The following GABRG3 variants were observed in gnomAD, a reference collection of about 807,000 sequenced individuals.
The protein encoded by GABRG3 is gamma-aminobutyric acid type A receptor subunit gamma3.
Under a neutral mutation model 48.8 loss-of-function variants are expected in GABRG3, and 25 were observed. The observed-to-expected ratio is 0.51, with a 90% CI of 0.37 to 0.72. GABRG3 has a LOEUF of 0.72. GABRG3 is among the 30% of genes least tolerant of loss of function. The pLI, the probability that GABRG3 is intolerant of heterozygous loss-of-function variation, is 0.00. For synonymous variants in GABRG3, 227 were observed against 217.6 expected (o/e 1.04, Z -0.38); for missense variants, 394 against 577.9 (o/e 0.68, Z 3.26).
intron 5 of GABRG3, chr15:27,365,251 T>A (rs184623490): frequency 6.6e-6 from 1 of 152,140 alleles, no homozygotes; most frequent in East Asian, 1.9e-4. Flanking sequence ...CTTATTTAAA[T>A]TTCACCATTT....
At chr15:27,145,603 C>CTATCTATCTATCTATCTATCA (rs1555405976) in intron 3 of GABRG3, among the ~76,000 whole-genome samples, 79 of 102,388 alleles carry the variant, frequency 7.7e-4, no homozygotes, top group African/African-American at 2.7e-3. Context: ...ATATATCTAT[C>CTATCTATCTATCTATCTATCA]TCTATCTATC....
chr15:27,495,478 A>G lies in GABRG3; in HGVS notation c.712+14691A>G, dbSNP rs1195938536. The stretch of plus-strand genomic sequence containing the variant: ...GATCCTGATTTGAGTTCTCTTGGAT[A>G]CACATACATTTAGAACCACATTGAA... On this transcript the variant is annotated intron_variant, in intron 6 of 9. Transcript: ENST00000615808. Among the ~76,000 whole-genome samples the G allele has an allele frequency of 5.3e-5, 8 of 152,198 alleles. No individual in the cohort carries two copies. The East Asian group carries it at 1.3e-3, about 26-fold the overall frequency.
At chr15:27,159,200 G>A (rs1898511073) in intron 3 of GABRG3, among the ~76,000 whole-genome samples, 1 of 152,060 alleles carries the variant, frequency 6.6e-6, no homozygotes, top group Admixed American at 6.6e-5. Context: ...GAAAAATACA[G>A]GCCGGGCATG....
chr15:27,273,100 A>G (rs1402446471), intron 3 of GABRG3, among the ~76,000 whole-genome samples: 1 of 152,052 alleles, frequency 6.6e-6, no homozygotes, highest in African/African-American at 2.4e-5. Flanking sequence ...TTATTCTACA[A>G]TGATAAAAAA....
intron 3 of GABRG3, among the ~76,000 whole-genome samples, chr15:27,047,904 A>T (rs1324519018): frequency 6.6e-6 from 1 of 152,220 alleles, no homozygotes; most frequent in East Asian, 1.9e-4. Flanking sequence ...CATTTTGCTA[A>T]ATGTGTTGAA....
rs1461211927 is a variant in GABRG3 at position 27,054,907 on chromosome 15, G to C, written c.270+28086G>C. ...CTCGTTTTGAGGGGGACTCTGAGTG[G>C]ACCCTTGGTGGAATGGTTGTCAGCC... On this transcript the variant is annotated intron_variant, in intron 3 of 9. Transcript: ENST00000615808. Among the ~76,000 whole-genome samples, 5 of 151,940 alleles carry C rather than the reference G, an allele frequency of 3.3e-5. No homozygotes were observed. The South Asian group carries it at 6.2e-4, about 19-fold the overall frequency.
At chr15:27,465,158 G>T (rs1595772299) in intron 5 of GABRG3, among the ~76,000 whole-genome samples, 1 of 152,272 alleles carries the variant, frequency 6.6e-6, no homozygotes, top group Non-Finnish European at 1.5e-5. Context: ...GTGGAGGGGG[G>T]TCTCCCCTTG....
At chr15:27,088,798 G>C (rs1248132813) in intron 3 of GABRG3, among the ~76,000 whole-genome samples, 2 of 152,152 alleles carry the variant, frequency 1.3e-5, no homozygotes, top group African/African-American at 2.4e-5. Flanking sequence ...GGTGAGATTT[G>C]GGTGGGGACG....
At chr15:27,436,903 G>A (rs530662993) in intron 5 of GABRG3, among the ~76,000 whole-genome samples, 38 of 151,956 alleles carry the variant, frequency 2.5e-4, no homozygotes, top group African/African-American at 8.7e-4. Context: ...GGCTAAGGTG[G>A]GAGGATTGCT....
chr15:27,316,371 G>C (rs992099633), intron 3 of GABRG3, among the ~76,000 whole-genome samples: 2 of 130,214 alleles, frequency 1.5e-5, no homozygotes, highest in Admixed American at 8.6e-5. Context: ...CTGGGCGACA[G>C]AGCGAGACTC....
chr15:27,401,864 A>G (rs571721908), intron 5 of GABRG3, among the ~76,000 whole-genome samples: 1 of 152,242 alleles, frequency 6.6e-6, no homozygotes, highest in Non-Finnish European at 1.5e-5. Flanking sequence ...AAAGAGGAGA[A>G]TCATGTCTTT....
chr15:27,349,486 T>G (rs1171319050), intron 5 of GABRG3, among the ~76,000 whole-genome samples: 1 of 152,200 alleles, frequency 6.6e-6, no homozygotes, highest in Non-Finnish European at 1.5e-5. Context: ...CTAGAGGGAA[T>G]TTATTTAACT....
chr15:27,138,668 A>G (rs544803784), intron 3 of GABRG3, among the ~76,000 whole-genome samples: 21 of 152,272 alleles, frequency 1.4e-4, no homozygotes, highest in African/African-American at 4.8e-4. Context: ...CTTTGTGCCA[A>G]TCCCAGGCTT....
intron 3 of GABRG3, among the ~76,000 whole-genome samples, chr15:27,172,251 G>A (rs558431112): frequency 5.3e-5 from 8 of 152,184 alleles, no homozygotes; most frequent in Non-Finnish European, 1.2e-4. Context: ...GTGGACAGGT[G>A]CATGGAAGGA....
At chr15:27,041,054 C>G (rs1595488603) in intron 3 of GABRG3, among the ~76,000 whole-genome samples, 1 of 151,968 alleles carries the variant, frequency 6.6e-6, no homozygotes, top group Non-Finnish European at 1.5e-5. Context: ...ATTTTTTTCT[C>G]TCTTTTGCAA....
chr15:27,131,036 C>G (rs1355576460), intron 3 of GABRG3, among the ~76,000 whole-genome samples: 2 of 151,854 alleles, frequency 1.3e-5, no homozygotes, highest in Non-Finnish European at 2.9e-5. Context: ...ATTTTCTTTT[C>G]TTTCCTAATT....
intron 3 of GABRG3, among the ~76,000 whole-genome samples, chr15:27,225,964 A>C (rs1322690809): frequency 2.0e-5 from 3 of 152,154 alleles, no homozygotes; most frequent in Non-Finnish European, 2.9e-5. Flanking sequence ...CTCCCTTTGG[A>C]AATGATGACC....
At chr15:26,990,803 A>AT (rs36038223) in intron 2 of GABRG3, among the ~76,000 whole-genome samples, 7,498 of 129,414 alleles carry the variant, frequency 0.058, 661 homozygotes, top group African/African-American at 0.19. Flanking sequence ...ATCCATTTTG[A>AT]TTTTTTTTTT....
chr15:27,265,912 C>T (rs1187306124), intron 3 of GABRG3, among the ~76,000 whole-genome samples: 3 of 110,480 alleles, frequency 2.7e-5, no homozygotes, highest in East Asian at 2.3e-4. Context: ...GTGACCTTCG[C>T]TCTTGTTGCT....
Sources: gnomAD v4.1 joint callset for allele counts (sites outside exome capture counted in the v4.1 genomes callset) on GRCh38, gnomAD v4.1.1 for gene constraint, MANE v1.5 for transcripts, NCBI Gene and HGNC (gene_info 2026-07-23, HGNC 2026-07-21) for gene names.